The following NCOR1 variants were observed in gnomAD, a reference collection of about 807,000 sequenced individuals.
NCOR1 encodes nuclear receptor corepressor 1.
In NCOR1, 63 loss-of-function variants were observed where a neutral mutation model predicts 288.1. The observed-to-expected ratio is 0.22, with a 90% CI of 0.18 to 0.27. The LOEUF (loss-of-function observed/expected upper bound fraction) is 0.27, where lower values mean the gene tolerates loss of function less well. Among genes scored for constraint, NCOR1 ranks in the 10% least tolerant of loss-of-function variants. NCOR1 has a pLI of 1.00. For missense variants in NCOR1, 2,397 were observed against 3,019.2 expected (o/e 0.79, Z 4.83); for synonymous variants, 1,007 against 1,065.9 (o/e 0.94, Z 1.08).
At chr17:16,075,050 A>T (rs896496433) in intron 27 of NCOR1, among the ~76,000 whole-genome samples, 6 of 152,102 alleles carry the variant, frequency 3.9e-5, no homozygotes, top group African/African-American at 1.4e-4. Context: ...TGGTATTTTT[A>T]GTAGAGACAG....
intron 26 of NCOR1, among the ~76,000 whole-genome samples, chr17:16,079,464 T>C (rs1336291390): frequency 6.6e-6 from 1 of 152,222 alleles, no homozygotes; most frequent in Non-Finnish European, 1.5e-5. Flanking sequence ...AGAGAAATTT[T>C]ATTAATCAAA....
Position 16,031,760 on chromosome 17 carries a change from A to G in NCOR1, c.*536T>C. On this transcript the variant is annotated 3_prime_UTR_variant, in exon 46 of 46. Transcript: ENST00000268712. ...AACATCACTGGAAAGCTGAATTTAG[A>G]GGAAACAATATCAGATAAAAGTACA... The G allele has an allele frequency of 4.3e-6, 1 of 230,412 alleles. No individual in the cohort carries two copies. The highest frequency in any genetic ancestry group is 8.6e-6 in the Non-Finnish European group (1 of 116,306). The allele number at this position is 230,412 out of a possible 1,614,324, so 14.3% of individuals were successfully genotyped here.
chr17:16,141,180 G>A (rs937773550), intron 11 of NCOR1, among the ~76,000 whole-genome samples: 1 of 152,066 alleles, frequency 6.6e-6, no homozygotes, highest in Non-Finnish European at 1.5e-5. Context: ...TAACTCAAAG[G>A]TGTCTCTAGA....
At chr17:16,067,500 C>T (rs988124707) in intron 32 of NCOR1, among the ~76,000 whole-genome samples, 9 of 152,106 alleles carry the variant, frequency 5.9e-5, no homozygotes, top group African/African-American at 2.2e-4. Flanking sequence ...GACAGTGAGA[C>T]TTAATCACTT....
At chr17:16,160,925 G>A (rs2080717660) in intron 5 of NCOR1, among the ~76,000 whole-genome samples, 2 of 151,906 alleles carry the variant, frequency 1.3e-5, no homozygotes, top group South Asian at 4.2e-4. Flanking sequence ...TGCCCAATTC[G>A]AAAAAAATTT....
chr17:16,030,265 C>G lies in NCOR1; in HGVS notation c.*2031G>C, dbSNP rs114918758. The G allele has an allele frequency of 0.013, 3,060 of 227,754 alleles. 89 individuals carry two copies. The highest frequency in any genetic ancestry group is 0.063 in the African/African-American group (2,817 of 44,886). The allele number at this position is 227,754 out of a possible 1,614,324, so 14.1% of individuals were successfully genotyped here. Reference sequence around the variant, plus strand: ...CCTTGTCATCTTCATGTTGAATAGGCTGAGGATGAGAAGGGGTTGGTCTTG... The same window carrying G: ...CCTTGTCATCTTCATGTTGAATAGGGTGAGGATGAGAAGGGGTTGGTCTTG... On this transcript the variant is annotated 3_prime_UTR_variant, in exon 46 of 46. Transcript: ENST00000268712.
intron 23 of NCOR1, among the ~76,000 whole-genome samples, chr17:16,081,747 C>T (rs1374726600): frequency 1.3e-5 from 2 of 152,204 alleles, no homozygotes; most frequent in Admixed American, 6.5e-5. Flanking sequence ...CTGCCTGAGA[C>T]AGTAGATAAC....
intron 14 of NCOR1, among the ~76,000 whole-genome samples, chr17:16,127,626 TAC>T (rs551796764): frequency 2.0e-5 from 3 of 147,368 alleles, no homozygotes; most frequent in East Asian, 2.0e-4. Context: ...TGTGTATATA[TAC>T]ATATATGTAT....
intron 40 of NCOR1, among the ~76,000 whole-genome samples, chr17:16,053,614 C>T (rs533877511): frequency 1.3e-5 from 2 of 152,164 alleles, no homozygotes; most frequent in African/African-American, 4.8e-5. Flanking sequence ...AATGGCCGTA[C>T]TGCCCAATGC....
rs536217347 is a variant in NCOR1 at position 16,098,499 on chromosome 17, G to A, written c.2691-3C>T. The A allele has an allele frequency of 1.8e-5, 28 of 1,597,590 alleles. No homozygotes were observed. The South Asian group carries it at 2.9e-4, about 16-fold the overall frequency. On this transcript the variant is annotated splice_region_variant and splice_polypyrimidine_tract_variant and intron_variant, in intron 20 of 45. Transcript: ENST00000268712. The stretch of plus-strand genomic sequence containing the variant: ...GCTTTGAGTCCATAGGAAACATTCT[G>A]CAATTGCAATTTAAAAAAAAGATAA...
rs2060078796 is a variant in NCOR1, at chr17:16,057,547, G to C, written c.6359C>G (p.Ser2120Cys). The C allele has an allele frequency of 3.1e-6, 5 of 1,614,124 alleles. No individual in the cohort carries two copies. The highest frequency in any genetic ancestry group is 4.2e-6 in the Non-Finnish European group (5 of 1,180,020). ...VHHQRPGSRV[S>C]PENLVDKSRG... The stretch of plus-strand genomic sequence containing the variant: ...GGATTTGTCCACAAGATTTTCTGGA[G>C]AGACCCTTGAACCTGGTCTTTGATG... Residue 2120 changes from serine (S) to cysteine (C), a missense_variant, in exon 40 of 46, where the codon TCT (serine) becomes TGT (cysteine). This residue lies in a region of NCOR1 where 1,872 missense variants were observed against 2,187.8 expected (regional missense o/e 0.86). Transcript: ENST00000268712.
At chr17:16,188,136 T>C (rs1292854724) in intron 2 of NCOR1, among the ~76,000 whole-genome samples, 1 of 152,134 alleles carries the variant, frequency 6.6e-6, no homozygotes, top group Non-Finnish European at 1.5e-5. Flanking sequence ...AATTTTGTTA[T>C]ATGAATTCTG....
intron 6 of NCOR1, 23 bp from the exon 7 acceptor site, chr17:16,153,418 A>G (rs368565678): frequency 6.7e-7 from 1 of 1,489,754 alleles, no homozygotes; most frequent in African/African-American, 1.4e-5. Flanking sequence ...ACATTGTTGT[A>G]TCATATAATT....
At chr17:16,135,912 A>G (rs1429248606) in intron 14 of NCOR1, among the ~76,000 whole-genome samples, 1 of 152,202 alleles carries the variant, frequency 6.6e-6, no homozygotes, top group African/African-American at 2.4e-5. Flanking sequence ...TGGGAAAACC[A>G]GAAGAGATTT....
intron 36 of NCOR1, 50 bp downstream of exon 36, chr17:16,062,055 A>G: frequency 6.3e-7 from 1 of 1,595,564 alleles, no homozygotes; most frequent in South Asian, 1.1e-5. Context: ...CAAATTTTAA[A>G]ATGTATATGC....
intron 19 of NCOR1, among the ~76,000 whole-genome samples, chr17:16,106,854 C>CACATATATATATATATATATAT (rs1555652880): frequency 1.3e-4 from 6 of 46,154 alleles, no homozygotes; most frequent in African/African-American, 5.3e-4. Flanking sequence ...CTTGATCAGA[C>CACATATATATATATATATATAT]ATATATATAT....
At chr17:16,199,670 C>T (rs531771864) in intron 1 of NCOR1, among the ~76,000 whole-genome samples, 20 of 152,238 alleles carry the variant, frequency 1.3e-4, no homozygotes, top group African/African-American at 4.8e-4. Flanking sequence ...CCTTAAGTGG[C>T]AGTATCAAAT....
chr17:16,126,054 TTATTA>T (rs1181960994), intron 15 of NCOR1, 23 bp downstream of exon 15: 2 of 1,041,328 alleles, frequency 1.9e-6, no homozygotes, highest in African/African-American at 1.6e-5. Context: ...AACATTTAAC[TTATTA>T]TATAACTAAT....
At chr17:16,094,539 A>C (rs1163841664) in intron 21 of NCOR1, among the ~76,000 whole-genome samples, 1 of 152,072 alleles carries the variant, frequency 6.6e-6, no homozygotes, top group African/African-American at 2.4e-5. Flanking sequence ...TGTTCAAACA[A>C]GAGTGACTCC....
Sources: gnomAD v4.1 joint callset for allele counts (sites outside exome capture counted in the v4.1 genomes callset) on GRCh38, gnomAD v4.1.1 for gene constraint, gnomAD v4.1.1 regional missense constraint, MANE v1.5 for transcripts, NCBI Gene and HGNC (gene_info 2026-07-23, HGNC 2026-07-21) for gene names.